Variants in KNDC1 observed in about 807,000 individuals in gnomAD.
The protein encoded by KNDC1 is kinase non-catalytic C-lobe domain-containing protein 1.
A neutral mutation model predicts 172.8 loss-of-function variants in KNDC1; 106 were observed. That is an observed-to-expected ratio of 0.61 (90% CI 0.52 to 0.72). The LOEUF (loss-of-function observed/expected upper bound fraction) is 0.72. Ranked by LOEUF, KNDC1 falls within the 30% of genes least tolerant of loss-of-function variation. The pLI is 0.00. For synonymous variants in KNDC1, 1,083 were observed against 1,062.2 expected, an observed-to-expected ratio of 1.02 and a Z score of -0.38; for missense variants, 2,325 against 2,394.5, an observed-to-expected ratio of 0.97 and a Z score of 0.61.
In KNDC1 at chr10:133,213,641, G is replaced by A. The variant is rs532493086; in HGVS notation, c.4444-4G>A. ...TGAACCTCTTGTTTCCATGTTCTGG[G>A]CAGGAGTTGTTTCAAAAGTGCCACC... On this transcript the variant is annotated splice_region_variant and splice_polypyrimidine_tract_variant and intron_variant, in intron 24 of 29. Transcript: ENST00000304613. 40 of 1,613,722 alleles carry A rather than the reference G, an allele frequency of 2.5e-5. 1 individual carries two copies. The South Asian group carries it at 3.8e-4, about 16-fold the overall frequency.
intron 29 of KNDC1, among the ~76,000 whole-genome samples, chr10:133,222,426 TCC>T: frequency 6.8e-6 from 1 of 147,962 alleles, no homozygotes; most frequent in Non-Finnish European, 1.5e-5. Flanking sequence ...TGAGAGCCCA[TCC>T]AGGCATGCTC....
At chr10:133,200,570 C>T in intron 16 of KNDC1, 110 bp downstream of exon 16, 1 of 856,678 alleles carries the variant, frequency 1.2e-6, no homozygotes. Flanking sequence ...TGCACTGCTC[C>T]AGCGGGGCTG....
At position 133,167,465 on chromosome 10, in the gene KNDC1, A is replaced by T; in HGVS notation, c.187A>T (p.Ser63Cys). ...AGCCTGGGCCGTGTGCCTGGAGTGC[A>T]GCCTGTCCATGCGGAGCGTGGCCCA... ...QEAWAVCLEC[S>C]LSMRSVAHAA... The change falls in exon 2 of 30, where the codon AGC becomes TGC. Residue 63 changes from serine to cysteine, a missense_variant. Coordinates refer to ENST00000304613, the MANE Select transcript of KNDC1 (RefSeq NM_152643.8). 1.2e-6 allele frequency: 2 copies of T among 1,606,826 alleles called. No individual in the cohort carries two copies. The highest frequency in any genetic ancestry group is 1.7e-6 in the Non-Finnish European group (2 of 1,177,670).
rs1854236787 is a variant in KNDC1, at chr10:133,197,790, G to C, written c.1906+22G>C. The C allele has an allele frequency of 1.9e-6, 3 of 1,559,928 alleles. No individual in the cohort carries two copies. In the East Asian group the frequency reaches 6.7e-5, roughly 35 times the overall value. On this transcript the variant is annotated intron_variant, in intron 12 of 29. Transcript: ENST00000304613. Reference sequence around the variant, plus strand: ...CCAGGTGGGGACCTGACCAGCCCCTGCTGCCCCACCAGCTCCTGCACCTGA... The same window carrying C: ...CCAGGTGGGGACCTGACCAGCCCCTCCTGCCCCACCAGCTCCTGCACCTGA...
Position 133,224,640 on chromosome 10 carries a change from C to T in KNDC1, c.5019-19C>T. 1.2e-6 allele frequency: 2 copies of T among 1,607,194 alleles called. No individual in the cohort carries two copies. The highest frequency in any genetic ancestry group is 2.2e-5 in the East Asian group (1 of 44,802). On this transcript the variant is annotated intron_variant, in intron 29 of 29. Transcript: ENST00000304613. This position sits in a 1 kb window ranked among gnomAD's most constrained non-coding sequence, Gnocchi z 5.4. ...CCCTGCCCTGTGCAAACTAACGTCT[C>T]TTCTTTCCTCAACGGAAGGAACATC...
At chr10:133,218,362 G>A (rs572656308) in intron 26 of KNDC1, among the ~76,000 whole-genome samples, 20 of 152,288 alleles carry the variant, frequency 1.3e-4, no homozygotes, top group East Asian at 3.9e-4. Context: ...AGGAGGGGGC[G>A]GCACTCAGGC....
At chr10:133,181,861 C>CACACACA (rs33923925) in intron 3 of KNDC1, among the ~76,000 whole-genome samples, 8 of 151,508 alleles carry the variant, frequency 5.3e-5, no homozygotes, top group Non-Finnish European at 1.0e-4. Context: ...CACACACACA[C>CACACACA]CAGACTGTGG....
In KNDC1 at chr10:133,201,722, A is replaced by G. The variant is rs1462454741; in HGVS notation, c.3211A>G (p.Arg1071Gly). The change falls in exon 17 of 30, where the codon AGG (arginine) becomes GGG (glycine). Residue 1071 changes from arginine to glycine, a missense_variant. Physicochemically the swap from Arg to Gly is moderately radical, Grantham distance 125. Transcript: ENST00000304613. Reference protein sequence around the residue: ...SDVEAVTRLARSKGVGPALSP... With the variant: ...SDVEAVTRLAGSKGVGPALSP... ...CGTGGAGGCAGTGACCCGACTGGCC[A>G]GGTCCAAAGGGGTCGGCCCAGCCTT... 6.2e-7 allele frequency: 1 copy of G among 1,605,632 alleles called. No individual in the cohort carries two copies. Among genetic ancestry groups the G allele is most frequent in the Non-Finnish European group, 8.5e-7 (1 of 1,176,400 alleles).
chr10:133,213,304 C>T (rs2136024726), intron 24 of KNDC1, among the ~76,000 whole-genome samples: 1 of 152,352 alleles, frequency 6.6e-6, no homozygotes, highest in Non-Finnish European at 1.5e-5. Context: ...GCTGCCAGGG[C>T]CCTGCCCAAC....
At chr10:133,222,536 C>T (rs545697551) in intron 29 of KNDC1, among the ~76,000 whole-genome samples, 6 of 20,062 alleles carry the variant, frequency 3.0e-4, no homozygotes, top group African/African-American at 4.1e-4. Context: ...CTCTTCCCGG[C>T]GTGTGTGTGT....
At chr10:133,212,191 TAC>T (rs1845382269) in intron 23 of KNDC1, among the ~76,000 whole-genome samples, 1 of 149,894 alleles carries the variant, frequency 6.7e-6, no homozygotes, top group South Asian at 2.1e-4. Flanking sequence ...TATCCACACC[TAC>T]ACGTGTGCAC....
Position 133,188,635 on chromosome 10 carries a change from A to T in KNDC1, c.1423A>T (p.Thr475Ser), listed in dbSNP as rs1397148169. ...CCTGGCCTGCCTCCGCGCACTGCAG[A>T]CACGCCCTGAGCACCCAGGTGACGC... ...LCLACLRALQ[T>S]RPEHPAYLCL... Residue 475 changes from threonine (T) to serine (S), a missense_variant, in exon 7 of 30, where the codon ACA (threonine) becomes TCA (serine). Transcript: ENST00000304613. 1 of 1,590,430 alleles carries T rather than the reference A, an allele frequency of 6.3e-7. No homozygotes were observed. The highest frequency in any genetic ancestry group is 2.3e-5 in the East Asian group (1 of 44,172).
In KNDC1 at chr10:133,184,238, C is replaced by T. The variant is rs553169778; in HGVS notation, c.625+249C>T. On this transcript the variant is annotated intron_variant, in intron 5 of 29. Coordinates refer to ENST00000304613, the MANE Select transcript of KNDC1 (RefSeq NM_152643.8). ...ACACACCCATGCACACACACCCATGCGCACACACTGCACACACACGTTACA... is the reference window on the plus strand; with the variant it reads ...ACACACCCATGCACACACACCCATGTGCACACACTGCACACACACGTTACA... Among the ~76,000 whole-genome samples the T allele has an allele frequency of 1.3e-4, 16 of 122,558 alleles. No homozygotes were observed. In the East Asian group the frequency reaches 3.5e-3, roughly 27 times the overall value. The allele number at this position is 122,558 out of a possible 152,430, so 80.4% of individuals were successfully genotyped here.
At chr10:133,213,425 C>A (rs1845411467) in intron 24 of KNDC1, among the ~76,000 whole-genome samples, 1 of 152,248 alleles carries the variant, frequency 6.6e-6, no homozygotes, top group Non-Finnish European at 1.5e-5. Context: ...ATCTAGTGAT[C>A]CACCTGCTGT....
intron 17 of KNDC1, among the ~76,000 whole-genome samples, chr10:133,206,306 C>T (rs964206904): frequency 6.6e-6 from 1 of 152,278 alleles, no homozygotes; most frequent in African/African-American, 2.4e-5. Context: ...CCCCCAGCCC[C>T]GCCCACAATG....
intron 26 of KNDC1, 102 bp from the exon 27 acceptor site, chr10:133,218,729 C>G: frequency 7.0e-7 from 1 of 1,424,170 alleles, no homozygotes; most frequent in Non-Finnish European, 9.6e-7. Flanking sequence ...ATGCAGCACA[C>G]GCTCTTGTGT....
At position 133,166,962 on chromosome 10, in the gene KNDC1, G is replaced by A. The variant is rs576984665; in HGVS notation, c.103-419G>A. 3.3e-5 allele frequency among the ~76,000 whole-genome samples: 5 copies of A among 152,320 alleles called. No homozygotes were observed. In the East Asian group the frequency reaches 5.8e-4, roughly 18 times the overall value. ...CATGTGAGTGTCAGGATCACGCCCC[G>A]TTAGCTCTGCACGAGTCCACAGTTG... On this transcript the variant is annotated intron_variant, in intron 1 of 29. Coordinates refer to ENST00000304613, the MANE Select transcript of KNDC1 (RefSeq NM_152643.8).
intron 5 of KNDC1, among the ~76,000 whole-genome samples, chr10:133,184,646 G>A (rs1004536219): frequency 6.6e-6 from 1 of 152,164 alleles, no homozygotes; most frequent in Non-Finnish European, 1.5e-5. Context: ...GGTCAGACAC[G>A]CAAACATGCT....
At chr10:133,161,726 C>G (rs916861111) in intron 1 of KNDC1, among the ~76,000 whole-genome samples, 1 of 152,130 alleles carries the variant, frequency 6.6e-6, no homozygotes, top group African/African-American at 2.4e-5. Context: ...AAGATCACCT[C>G]GGCTCTGACC....
Sources: allele counts gnomAD v4.1 joint callset (sites outside exome capture counted in the v4.1 genomes callset), GRCh38; gene constraint gnomAD v4.1.1; non-coding constraint Gnocchi (gnomAD v3.1); transcripts MANE v1.5; gene names NCBI Gene and HGNC (gene_info 2026-07-23, HGNC 2026-07-21).